The following CLSTN3 variants were observed in gnomAD, a reference collection of about 807,000 sequenced individuals.
CLSTN3 encodes calsyntenin-3.
A neutral mutation model predicts 95.9 loss-of-function variants in CLSTN3; 36 were observed. The observed-to-expected ratio is 0.38, with a 90% CI of 0.29 to 0.50. The LOEUF (loss-of-function observed/expected upper bound fraction) is 0.50. Among genes scored for constraint, CLSTN3 ranks in the 20% least tolerant of loss-of-function variants. The pLI is 0.95. For missense variants in CLSTN3, 1,084 were observed against 1,268.8 expected (o/e 0.85, Z 2.21); for synonymous variants, 481 against 504.0 (o/e 0.95, Z 0.61).
Position 7,149,325 on chromosome 12 carries a change from T to C in CLSTN3, c.2074+127T>C. On this transcript the variant is annotated intron_variant, in intron 13 of 17. Coordinates refer to ENST00000266546, the MANE Select transcript of CLSTN3 (RefSeq NM_014718.4). This position sits in a 1 kb window ranked among gnomAD's most constrained non-coding sequence, Gnocchi z 4.5. The stretch of plus-strand genomic sequence containing the variant: ...TCCTGTGTTTGTTTGACTGAACAAC[T>C]TACCTTTAAGAAGGAGAGCAAGTGG... 1 of 973,364 alleles carries C rather than the reference T, an allele frequency of 1.0e-6. No homozygotes were observed. Among genetic ancestry groups the C allele is most frequent in the South Asian group, 1.6e-5 (1 of 62,718 alleles). The allele number at this position is 973,364 out of a possible 1,614,324, so 60.3% of individuals were successfully genotyped here. A position where few individuals can be genotyped will look rare whatever the true frequency, so the allele number is the denominator to read the frequency against.
At chr12:7,156,870 C>T (rs779210372) in intron 16 of CLSTN3, 9 of 455,296 alleles carry the variant, frequency 2.0e-5, no homozygotes, top group Admixed American at 4.7e-5. Flanking sequence ...GAACCCCAGA[C>T]GTCCCGGAGC....
intron 3 of CLSTN3, 33 bp from the exon 4 acceptor site, chr12:7,135,294 G>A (rs772884379): frequency 6.2e-7 from 1 of 1,606,306 alleles, no homozygotes; most frequent in Non-Finnish European, 8.5e-7. Context: ...TGGCTGACGT[G>A]TCTTCATCCC....
At position 7,150,877 on chromosome 12, in the gene CLSTN3, G is replaced by T. The variant is rs1312072443; in HGVS notation, c.2392-51G>T. On this transcript the variant is annotated intron_variant, in intron 15 of 17. Coordinates refer to ENST00000266546, the MANE Select transcript of CLSTN3 (RefSeq NM_014718.4). The surrounding 1 kb of genome is among the most constrained non-coding windows in gnomAD (Gnocchi z 4.0). ...GATGGGGCTGGGGTCTAGAGAAGTG[G>T]GGAGGACCTGGGAGAAGCGTGTGTG... The T allele has an allele frequency of 3.9e-6, 6 of 1,549,944 alleles. No homozygotes were observed. Among genetic ancestry groups the T allele is most frequent in the Non-Finnish European group, 5.3e-6 (6 of 1,142,346 alleles).
Position 7,150,870 on chromosome 12 carries a change from A to C in CLSTN3, c.2392-58A>C. On this transcript the variant is annotated intron_variant, in intron 15 of 17. Coordinates refer to ENST00000266546, the MANE Select transcript of CLSTN3 (RefSeq NM_014718.4). This position sits in a 1 kb window ranked among gnomAD's most constrained non-coding sequence, Gnocchi z 4.0. ...GTTAGGAGATGGGGCTGGGGTCTAG[A>C]GAAGTGGGGAGGACCTGGGAGAAGC... 6.5e-7 allele frequency: 1 copy of C among 1,550,116 alleles called. No individual in the cohort carries two copies. The highest frequency in any genetic ancestry group is 8.8e-7 in the Non-Finnish European group (1 of 1,142,238).
upstream of CLSTN3, chr12:7,129,119 G>C (rs1398845969): frequency 3.2e-6 from 1 of 311,674 alleles, no homozygotes; most frequent in African/African-American, 2.1e-5. This position sits in a 1 kb window ranked among gnomAD's most constrained non-coding sequence, Gnocchi z 5.5. Flanking sequence ...GGGGCTGTCA[G>C]TCATCCAAAA....
At chr12:7,139,027 T>C (rs1939481094) in intron 8 of CLSTN3, among the ~76,000 whole-genome samples, 1 of 152,172 alleles carries the variant, frequency 6.6e-6, no homozygotes. Flanking sequence ...CCTTGCTATC[T>C]TTCTTCAATT....
intron 12 of CLSTN3, among the ~76,000 whole-genome samples, chr12:7,147,395 CCAA>C (rs1565652707): frequency 5.0e-5 from 1 of 19,802 alleles, no homozygotes; most frequent in African/African-American, 2.1e-4. Flanking sequence ...AGAGACTCTG[CCAA>C]AAAAAAAAAA....
Position 7,130,569 on chromosome 12 carries a change from C to T in CLSTN3, c.-80C>T. 6.5e-7 allele frequency: 1 copy of T among 1,548,806 alleles called. No homozygotes were observed. Among genetic ancestry groups the T allele is most frequent in the Admixed American group, 2.0e-5 (1 of 50,994 alleles). ...CCGCTCCTTGGAGACCCCCTGTATC[C>T]CTCCCGCAAGGTGGAATCCGCAGGC... is the stretch of plus-strand genomic sequence containing the variant. On this transcript the variant is annotated 5_prime_UTR_variant, in exon 1 of 18. Transcript: ENST00000266546.
chr12:7,142,533 G>A (rs1352226892), intron 10 of CLSTN3, among the ~76,000 whole-genome samples: 2 of 151,898 alleles, frequency 1.3e-5, no homozygotes, highest in Non-Finnish European at 2.9e-5. Flanking sequence ...CTCCCTCCTT[G>A]TTTTGACTCT....
rs1047030119 is a variant in CLSTN3 at position 7,158,260 on chromosome 12, G to A, written c.*179G>A. On this transcript the variant is annotated 3_prime_UTR_variant, in exon 18 of 18. Transcript: ENST00000266546. The stretch of plus-strand genomic sequence containing the variant: ...CTGGAGTCCGCCCTGCCCCTCCCCC[G>A]GCCCCCCATCCCTCACTTCTGGGCT... 5.7e-5 allele frequency: 38 copies of A among 667,122 alleles called. No homozygotes were observed. The highest frequency in any genetic ancestry group is 8.6e-5 in the Non-Finnish European group (36 of 418,394). The allele number at this position is 667,122 out of a possible 1,614,324, so 41.3% of individuals were successfully genotyped here.
intron 8 of CLSTN3, among the ~76,000 whole-genome samples, chr12:7,138,485 T>A (rs1939469707): frequency 6.6e-6 from 1 of 152,132 alleles, no homozygotes; most frequent in Non-Finnish European, 1.5e-5. Context: ...GGCTATGAAA[T>A]CTTGGTTAAT....
rs777241760 is a variant in CLSTN3 at position 7,154,621 on chromosome 12, T to C, written c.2528-2868T>C. On this transcript the variant is annotated intron_variant, in intron 16 of 17. Transcript: ENST00000266546. ...TGACTGCCAGAATCACCTGGGGAGC[T>C]TTAAAAACTCTCGGCACCTAAATTA... Among the ~76,000 whole-genome samples, 48 of 152,202 alleles carry C rather than the reference T, an allele frequency of 3.2e-4. 1 individual carries two copies. The highest frequency in any genetic ancestry group is 1.1e-3 in the African/African-American group (46 of 41,510).
rs1287186345 is a variant in CLSTN3 at position 7,157,808 on chromosome 12, G to A, written c.2730+117G>A. On this transcript the variant is annotated intron_variant, in intron 17 of 17. Coordinates refer to ENST00000266546, the MANE Select transcript of CLSTN3 (RefSeq NM_014718.4). The surrounding 1 kb of genome is among the most constrained non-coding windows in gnomAD (Gnocchi z 5.9). Reference sequence around the variant, plus strand: ...GCTGTTCGCAGAGCTGCAGTGAGCCGGAGGGAGAGAGGTTCAGGCAGGGAA... The same window carrying A: ...GCTGTTCGCAGAGCTGCAGTGAGCCAGAGGGAGAGAGGTTCAGGCAGGGAA... 13 of 1,490,080 alleles carry A rather than the reference G, an allele frequency of 8.7e-6. No homozygotes were observed. The highest frequency in any genetic ancestry group is 8.0e-5 in the Admixed American group (4 of 49,902). The allele number at this position is 1,490,080 out of a possible 1,614,324, so 92.3% of individuals were successfully genotyped here. A position where few individuals can be genotyped will look rare whatever the true frequency, so the allele number is the denominator to read the frequency against.
upstream of CLSTN3, chr12:7,129,929 A>G: frequency 8.4e-6 from 4 of 478,860 alleles, no homozygotes; most frequent in Non-Finnish European, 1.1e-5. The surrounding 1 kb of genome is among the most constrained non-coding windows in gnomAD (Gnocchi z 5.5). Flanking sequence ...GCCCTGGGCT[A>G]CAAATGCCAG....
rs1939438914 is a variant in CLSTN3 at position 7,136,996 on chromosome 12, C to A, written c.1096C>A (p.Pro366Thr). Residue 366 changes from proline (P) to threonine (T), a missense_variant, in exon 7 of 18, where the codon CCC becomes ACC. By Grantham distance (38) the Pro-to-Thr change is conservative. Transcript: ENST00000266546. The stretch of plus-strand genomic sequence containing the variant: ...TGGCCCCAGTGGGCTGGGCTCTGGG[C>A]CCCAGGACAGCCTCAGTGACCACTT... ...LGGPSGLGSGPQDSLSDHFTL... is the reference protein window; with the variant it reads ...LGGPSGLGSGTQDSLSDHFTL... 6.2e-7 allele frequency: 1 copy of A among 1,614,170 alleles called. No homozygotes were observed. Among genetic ancestry groups the A allele is most frequent in the Non-Finnish European group, 8.5e-7 (1 of 1,180,010 alleles).
At chr12:7,136,166 C>G (rs767708069) in intron 5 of CLSTN3, 40 bp from the exon 6 acceptor site, 14 of 1,594,820 alleles carry the variant, frequency 8.8e-6, no homozygotes, top group Non-Finnish European at 1.2e-5. Context: ...CTGCTTTACC[C>G]TTCTCTCTCC....
rs139380065 is a variant in CLSTN3 at position 7,157,619 on chromosome 12, C to T, written c.2658C>T (p.Ala886=). ...RVSGAGGPPG[A]SSDPKDPDLF... ...CAGGGGCCGGCGGGCCTCCAGGGGC[C>T]TCCAGTGACCCCAAGGACCCAGACC... is the stretch of plus-strand genomic sequence containing the variant. The change falls in exon 17 of 18, where the codon GCC becomes GCT. Residue 886 remains alanine (A), a synonymous_variant. Transcript: ENST00000266546. This position sits in a 1 kb window ranked among gnomAD's most constrained non-coding sequence, Gnocchi z 5.9. 2.0e-4 allele frequency: 329 copies of T among 1,611,324 alleles called. 1 individual carries two copies. The African/African-American group carries it at 2.4e-3, about 12-fold the overall frequency.
intron 16 of CLSTN3, among the ~76,000 whole-genome samples, chr12:7,152,913 C>T (rs942754154): frequency 6.6e-6 from 1 of 152,108 alleles, no homozygotes; most frequent in African/African-American, 2.4e-5. Flanking sequence ...CCCTTCTCCC[C>T]AGATGTTTGA....
At position 7,136,297 on chromosome 12, in the gene CLSTN3, G is replaced by A; in HGVS notation, c.834G>A (p.Trp278Ter). ...TGGAGACCTGTGATGAACCACTCTGGAACATTCAGGCCACCATAGAGCTGC... is the reference window on the plus strand; with the variant it reads ...TGGAGACCTGTGATGAACCACTCTGAAACATTCAGGCCACCATAGAGCTGC... ...IRLETCDEPL[W>*]NIQATIELQT... The change falls in exon 6 of 18, where the codon TGG becomes TGA. Residue 278 changes from tryptophan to a stop codon, truncating the protein, a stop_gained. Transcript: ENST00000266546. LOFTEE classifies it high-confidence loss of function. 6.2e-7 allele frequency: 1 copy of A among 1,614,190 alleles called. No homozygotes were observed. The highest frequency in any genetic ancestry group is 8.5e-7 in the Non-Finnish European group (1 of 1,180,034).
Sources: allele counts gnomAD v4.1 joint callset (sites outside exome capture counted in the v4.1 genomes callset), GRCh38; gene constraint gnomAD v4.1.1; non-coding constraint Gnocchi (gnomAD v3.1); transcripts MANE v1.5; gene names NCBI Gene and HGNC (gene_info 2026-07-23, HGNC 2026-07-21).